The following CHODL variants were observed in gnomAD, a reference collection of about 807,000 sequenced individuals.
The protein encoded by CHODL is chondrolectin.
In CHODL, 29 loss-of-function variants were observed where a neutral mutation model predicts 34.5. The ratio of observed to expected loss-of-function variants is 0.84; its 90% confidence interval spans 0.63 to 1.15. CHODL has a LOEUF of 1.15. CHODL is among the 50% of genes most tolerant of loss of function. CHODL has a pLI of 0.00. For synonymous variants in CHODL, 125 were observed against 116.1 expected, an observed-to-expected ratio of 1.08 and a Z score of -0.49; for missense variants, 332 against 332.5, an observed-to-expected ratio of 1.00 and a Z score of 0.01.
chr21:17,977,921 A>G (rs1462314219), intron 1 of CHODL, among the ~76,000 whole-genome samples: 2 of 149,540 alleles, frequency 1.3e-5, no homozygotes, highest in Non-Finnish European at 3.0e-5. Context: ...CCCATCTCAA[A>G]AAAAAAAAAA....
intron 2 of CHODL, among the ~76,000 whole-genome samples, chr21:18,096,292 A>T (rs2065138802): frequency 6.6e-6 from 1 of 152,174 alleles, no homozygotes; most frequent in Admixed American, 6.5e-5. Flanking sequence ...CGTGTGTTTG[A>T]ACAATATGAA....
intron 2 of CHODL, among the ~76,000 whole-genome samples, chr21:18,083,349 C>A (rs1302656726): frequency 1.3e-5 from 2 of 152,222 alleles, no homozygotes; most frequent in Non-Finnish European, 2.9e-5. Flanking sequence ...AGGGGTAGAA[C>A]CTTCATGGAG....
intron 2 of CHODL, among the ~76,000 whole-genome samples, chr21:18,118,980 G>A (rs1026657337): frequency 1.3e-5 from 2 of 152,078 alleles, no homozygotes; most frequent in Non-Finnish European, 2.9e-5. Flanking sequence ...ACTCCCAGCA[G>A]TCAGTTTTAA....
intron 2 of CHODL, among the ~76,000 whole-genome samples, chr21:18,177,014 G>A (rs1395554871): frequency 6.6e-6 from 1 of 151,982 alleles, no homozygotes; most frequent in Admixed American, 6.6e-5. Flanking sequence ...TATTTGCAGA[G>A]AGTCTTGAGC....
chr21:18,167,387 G>A (rs577659596), intron 2 of CHODL, among the ~76,000 whole-genome samples: 1 of 145,064 alleles, frequency 6.9e-6, no homozygotes, highest in Non-Finnish European at 1.5e-5. Flanking sequence ...TCAGCTCACT[G>A]CAAGCTCCGC....
chr21:18,198,901 CAATT>C (rs774932894), intron 2 of CHODL, among the ~76,000 whole-genome samples: 8 of 151,990 alleles, frequency 5.3e-5, no homozygotes, highest in Non-Finnish European at 1.2e-4. Context: ...TTAACACAAA[CAATT>C]GTTCTTAAAT....
intron 2 of CHODL, among the ~76,000 whole-genome samples, chr21:18,044,489 A>C (rs1241004934): frequency 6.6e-6 from 1 of 152,048 alleles, no homozygotes; most frequent in South Asian, 2.1e-4. Context: ...AACTAACAAC[A>C]TTGAATTTTC....
intron 2 of CHODL, among the ~76,000 whole-genome samples, chr21:18,129,926 GTGTC>G (rs1040157993): frequency 1.4e-5 from 2 of 147,694 alleles, no homozygotes; most frequent in Admixed American, 7.0e-5. Flanking sequence ...GTGTGTGTGT[GTGTC>G]TGTGTGTGTG....
At chr21:17,934,386 A>G (rs1251829795) in intron 1 of CHODL, among the ~76,000 whole-genome samples, 1 of 152,118 alleles carries the variant, frequency 6.6e-6, no homozygotes, top group East Asian at 1.9e-4. Flanking sequence ...GTAAATGACA[A>G]TGGAGAGCTT....
At chr21:18,024,273 A>G (rs2064153578) in intron 1 of CHODL, among the ~76,000 whole-genome samples, 2 of 152,168 alleles carry the variant, frequency 1.3e-5, no homozygotes, top group South Asian at 4.1e-4. Context: ...GTTTGCCTAT[A>G]CACTACTGGT....
At chr21:18,065,460 A>G (rs1600957532) in intron 2 of CHODL, among the ~76,000 whole-genome samples, 1 of 152,324 alleles carries the variant, frequency 6.6e-6, no homozygotes, top group Non-Finnish European at 1.5e-5. Flanking sequence ...AGTTTTGAGC[A>G]TTGAGAATAC....
intron 1 of CHODL, among the ~76,000 whole-genome samples, chr21:17,993,632 G>A (rs1192017358): frequency 1.3e-5 from 2 of 152,130 alleles, no homozygotes; most frequent in African/African-American, 2.4e-5. Flanking sequence ...GGGCATTTAG[G>A]TTCATTCTAT....
intron 1 of CHODL, among the ~76,000 whole-genome samples, chr21:18,011,625 GCC>G (rs2064020858): frequency 6.6e-6 from 1 of 152,074 alleles, no homozygotes; most frequent in Non-Finnish European, 1.5e-5. Context: ...ATTTTTAAGG[GCC>G]CCACTGTTTT....
chr21:17,940,274 C>T (rs1451519354), intron 1 of CHODL, among the ~76,000 whole-genome samples: 2 of 152,072 alleles, frequency 1.3e-5, no homozygotes, highest in African/African-American at 4.8e-5. Flanking sequence ...GTCTATTATT[C>T]ATAACAGGCA....
At chr21:18,200,338 A>G (rs975725866) in intron 2 of CHODL, among the ~76,000 whole-genome samples, 1 of 152,202 alleles carries the variant, frequency 6.6e-6, no homozygotes, top group Non-Finnish European at 1.5e-5. Context: ...AATCTATTAA[A>G]TTGAGCTTTC....
intron 1 of CHODL, among the ~76,000 whole-genome samples, chr21:17,923,382 TA>T (rs1186702940): frequency 1.7e-4 from 23 of 132,044 alleles, no homozygotes; most frequent in African/African-American, 6.1e-4. Context: ...TAAAATAAAT[TA>T]AAAAAAGTAA....
intron 1 of CHODL, among the ~76,000 whole-genome samples, chr21:17,928,191 T>C (rs1036894775): frequency 9.2e-5 from 14 of 152,180 alleles, no homozygotes; most frequent in South Asian, 2.1e-4. Flanking sequence ...CCTATGCTAG[T>C]TTTGTTTTGA....
At chr21:18,171,051 T>A (rs73202925) in intron 2 of CHODL, among the ~76,000 whole-genome samples, 15,258 of 151,268 alleles carry the variant, frequency 0.1, 998 homozygotes, top group South Asian at 0.17. Context: ...GGTATTTTTC[T>A]TTGGCAGTCT....
intron 1 of CHODL, among the ~76,000 whole-genome samples, chr21:17,977,929 A>AAAAAAAAAAAAAAAG (rs1217900881): frequency 2.3e-4 from 35 of 150,350 alleles, no homozygotes; most frequent in Non-Finnish European, 4.7e-4. Context: ...AAAAAAAAAA[A>AAAAAAAAAAAAAAAG]AAAAAGAAAA....
Sources: allele counts gnomAD v4.1 joint callset (sites outside exome capture counted in the v4.1 genomes callset), GRCh38; gene constraint gnomAD v4.1.1; transcripts MANE v1.5; gene names NCBI Gene and HGNC (gene_info 2026-07-23, HGNC 2026-07-21).